Variants in AEBP2 observed in about 807,000 individuals in gnomAD.
AEBP2 encodes zinc finger protein AEBP2.
Under a neutral mutation model 50.8 loss-of-function variants are expected in AEBP2, and 10 were observed. The observed-to-expected ratio is 0.20, with a 90% CI of 0.12 to 0.33. AEBP2 has a LOEUF of 0.33. AEBP2 is among the 10% of genes least tolerant of loss of function. The pLI is 1.00. For missense variants in AEBP2, 570 were observed against 688.0 expected (o/e 0.83, Z 1.92); for synonymous variants, 296 against 261.3 (o/e 1.13, Z -1.28).
intron 1 of AEBP2, among the ~76,000 whole-genome samples, chr12:19,406,679 C>A (rs1238090943): frequency 1.3e-5 from 2 of 148,204 alleles, no homozygotes; most frequent in Non-Finnish European, 3.0e-5. Flanking sequence ...GAAACTCTGT[C>A]TCAAAAAAAA....
At chr12:19,453,337 C>G (rs577097287) in intron 1 of AEBP2, among the ~76,000 whole-genome samples, 1 of 152,004 alleles carries the variant, frequency 6.6e-6, no homozygotes, top group African/African-American at 2.4e-5. Flanking sequence ...AGGCTGGTCT[C>G]GAACTCTTGG....
At chr12:19,411,367 C>T (rs2095739142) in intron 1 of AEBP2, among the ~76,000 whole-genome samples, 1 of 152,192 alleles carries the variant, frequency 6.6e-6, no homozygotes, top group Non-Finnish European at 1.5e-5. Context: ...CTGGGAACCT[C>T]CTCTACCACA....
intron 2 of AEBP2, among the ~76,000 whole-genome samples, chr12:19,467,349 A>T (rs891937125): frequency 2.3e-4 from 35 of 152,332 alleles, no homozygotes; most frequent in African/African-American, 8.4e-4. Flanking sequence ...GCTGAAATGC[A>T]GTGGTGCAAT....
intron 1 of AEBP2, among the ~76,000 whole-genome samples, chr12:19,425,629 C>A (rs938198719): frequency 6.6e-6 from 1 of 151,754 alleles, no homozygotes; most frequent in African/African-American, 2.4e-5. Context: ...CAAAATTAGC[C>A]GGGTATGATG....
chr12:19,439,184 T>C (rs1206228044), upstream of AEBP2, among the ~76,000 whole-genome samples: 1 of 152,224 alleles, frequency 6.6e-6, no homozygotes, highest in Admixed American at 6.5e-5. Context: ...AGGCTCGTTC[T>C]ATTCCTGGCT....
At chr12:19,419,403 A>G (rs1480864369) in intron 1 of AEBP2, among the ~76,000 whole-genome samples, 3 of 151,946 alleles carry the variant, frequency 2.0e-5, no homozygotes, top group Non-Finnish European at 4.4e-5. Context: ...TCCTGGCTAC[A>G]ACAGTGAAAC....
At chr12:19,514,887 C>T (rs1247554416) in intron 7 of AEBP2, 103 bp downstream of exon 7, 4 of 787,246 alleles carry the variant, frequency 5.1e-6, no homozygotes, top group East Asian at 5.6e-5. Flanking sequence ...AATTTTAATA[C>T]CAAGCATATC....
intron 7 of AEBP2, 139 bp downstream of exon 7, chr12:19,514,923 T>C: frequency 1.5e-6 from 1 of 655,982 alleles, no homozygotes; most frequent in Non-Finnish European, 2.6e-6. Context: ...TTTTTTTTTT[T>C]TGGATGTGGA....
chr12:19,407,600 C>A (rs1160934031), intron 1 of AEBP2, among the ~76,000 whole-genome samples: 3 of 152,158 alleles, frequency 2.0e-5, no homozygotes, highest in Non-Finnish European at 4.4e-5. Context: ...CTACGCCCAG[C>A]CTCCATCTCT....
intron 2 of AEBP2, among the ~76,000 whole-genome samples, chr12:19,465,994 A>T (rs945818535): frequency 2.0e-5 from 3 of 151,166 alleles, no homozygotes; most frequent in Non-Finnish European, 3.0e-5. Context: ...ATTTCACCAT[A>T]TTGGACAGGC....
intron 4 of AEBP2, 66 bp from the exon 5 acceptor site, chr12:19,500,031 C>A (rs1025715070): frequency 1.4e-6 from 2 of 1,382,512 alleles, no homozygotes; most frequent in East Asian, 2.6e-5. Flanking sequence ...TTAATTGTTT[C>A]CATCTTTATT....
In AEBP2 at chr12:19,497,494, A is replaced by C. The variant is rs150671312; in HGVS notation, c.1175-2603A>C. Among the ~76,000 whole-genome samples, 218 of 151,072 alleles carry C rather than the reference A, an allele frequency of 1.4e-3. 1 individual carries two copies. The highest frequency in any genetic ancestry group is 5.2e-3 in the African/African-American group (214 of 41,150). On this transcript the variant is annotated intron_variant, in intron 4 of 7. Coordinates refer to ENST00000266508, the MANE Select transcript of AEBP2 (RefSeq NM_153207.5). ...TGTTTTTGTTTTTTGTTTTTTTGAG[A>C]CAAGGTCTCACTTTGTTGCCGAGGC...
intron 1 of AEBP2, among the ~76,000 whole-genome samples, chr12:19,414,127 C>T (rs534939328): frequency 8.5e-5 from 13 of 152,114 alleles, no homozygotes; most frequent in South Asian, 8.3e-4. Flanking sequence ...CTCCTGACCT[C>T]GTGATCCTCC....
chr12:19,412,108 G>C (rs918276278), intron 1 of AEBP2, among the ~76,000 whole-genome samples: 2 of 152,218 alleles, frequency 1.3e-5, no homozygotes, highest in African/African-American at 4.8e-5. Flanking sequence ...CAGCAGGGCT[G>C]TATCTGTCCG....
chr12:19,465,793 T>TTTC (rs1051300011), intron 2 of AEBP2, among the ~76,000 whole-genome samples: 7 of 11,204 alleles, frequency 6.2e-4, no homozygotes, highest in East Asian at 1.4e-3. Flanking sequence ...TGTTTTTTCT[T>TTTC]TTTTTTTTTT....
At chr12:19,444,009 G>A (rs1276853829) in intron 1 of AEBP2, among the ~76,000 whole-genome samples, 1 of 152,064 alleles carries the variant, frequency 6.6e-6, no homozygotes, top group African/African-American at 2.4e-5. Context: ...TGGTTATAAA[G>A]ATAGTAGGGA....
intron 2 of AEBP2, among the ~76,000 whole-genome samples, chr12:19,468,126 TTGTGTGTGTGTGTG>T (rs10643072): frequency 6.9e-6 from 1 of 143,958 alleles, no homozygotes; most frequent in African/African-American, 2.6e-5. Context: ...CTGCCTGACT[TTGTGTGTGTGTGTG>T]TGTGTGTGTG....
intron 1 of AEBP2, among the ~76,000 whole-genome samples, chr12:19,454,722 A>T (rs1056505756): frequency 1.3e-5 from 2 of 152,170 alleles, no homozygotes; most frequent in Non-Finnish European, 2.9e-5. Flanking sequence ...ACTAAAAAAA[A>T]TAAAGTTGGA....
chr12:19,451,216 T>C (rs1021097700), intron 1 of AEBP2, among the ~76,000 whole-genome samples: 1 of 152,156 alleles, frequency 6.6e-6, no homozygotes, highest in African/African-American at 2.4e-5. Flanking sequence ...TTGGGCCGGG[T>C]TCTGCAGGGT....
Sources: gnomAD v4.1 joint callset for allele counts (sites outside exome capture counted in the v4.1 genomes callset) on GRCh38, gnomAD v4.1.1 for gene constraint, MANE v1.5 for transcripts, NCBI Gene and HGNC (gene_info 2026-07-23, HGNC 2026-07-21) for gene names.